Variants in ZSWIM5 observed in about 807,000 individuals in gnomAD.
ZSWIM5 encodes the protein zinc finger SWIM-type containing 5.
A neutral mutation model predicts 119.6 loss-of-function variants in ZSWIM5; 55 were observed. The observed-to-expected ratio is 0.46, with a 90% CI of 0.37 to 0.58. The LOEUF (loss-of-function observed/expected upper bound fraction) is 0.58. ZSWIM5 is among the 20% of genes least tolerant of loss of function. The pLI is 0.00. For synonymous variants in ZSWIM5, 537 were observed against 606.9 expected, an observed-to-expected ratio of 0.88 and a Z score of 1.69; for missense variants, 1,193 against 1,512.8, an observed-to-expected ratio of 0.79 and a Z score of 3.51.
At chr1:45,065,410 C>T (rs1191022050) in intron 2 of ZSWIM5, among the ~76,000 whole-genome samples, 2 of 152,178 alleles carry the variant, frequency 1.3e-5, no homozygotes, top group African/African-American at 4.8e-5. Context: ...GACTGACACC[C>T]TCTCCTCTAA....
At chr1:45,175,286 T>G (rs1180755922) in intron 1 of ZSWIM5, among the ~76,000 whole-genome samples, 1 of 152,142 alleles carries the variant, frequency 6.6e-6, no homozygotes, top group African/African-American at 2.4e-5. Flanking sequence ...CAATTTTGAT[T>G]TCTCCCATCA....
At chr1:45,192,670 C>T (rs1646099599) in intron 1 of ZSWIM5, among the ~76,000 whole-genome samples, 1 of 152,170 alleles carries the variant, frequency 6.6e-6, no homozygotes, top group South Asian at 2.1e-4. Context: ...TTTGGTTATA[C>T]AACCAGAAGC....
intron 1 of ZSWIM5, among the ~76,000 whole-genome samples, chr1:45,108,636 TATATATA>T (rs780226959): frequency 2.0e-5 from 3 of 151,640 alleles, no homozygotes; most frequent in African/African-American, 4.8e-5. Context: ...AAATGTGTTT[TATATATA>T]ATATATATTA....
intron 2 of ZSWIM5, among the ~76,000 whole-genome samples, chr1:45,065,595 T>C (rs757143222): frequency 1.3e-5 from 2 of 152,180 alleles, no homozygotes; most frequent in Non-Finnish European, 2.9e-5. Flanking sequence ...ACAGTACAAC[T>C]TCACCTAAAC....
intron 2 of ZSWIM5, among the ~76,000 whole-genome samples, chr1:45,086,605 G>A (rs951985340): frequency 2.6e-5 from 4 of 152,042 alleles, no homozygotes; most frequent in African/African-American, 9.7e-5. Flanking sequence ...GACACAGGGC[G>A]GGGAACATCA....
chr1:45,191,553 T>C (rs927971719), intron 1 of ZSWIM5, among the ~76,000 whole-genome samples: 3 of 152,200 alleles, frequency 2.0e-5, no homozygotes, highest in African/African-American at 4.8e-5. Context: ...GAGCTCCCCA[T>C]AGGATTGACT....
chr1:45,205,987 C>T lies in ZSWIM5; in HGVS notation c.364G>A (p.Gly122Ser). 4 of 1,456,362 alleles carry T rather than the reference C, an allele frequency of 2.7e-6. No individual in the cohort carries two copies. Among genetic ancestry groups the T allele is most frequent in the Non-Finnish European group, 3.6e-6 (4 of 1,102,066 alleles). 90.2% of individuals were successfully genotyped at this position (1,456,362 alleles called of 1,614,324 possible). Residue 122 changes from glycine (G) to serine (S), a missense_variant, in exon 1 of 14, where the codon GGC becomes AGC. Around this residue, in one of 2 missense-constraint regions of ZSWIM5, gnomAD observed 232 missense variants for 222.9 expected, o/e 1.04. Transcript: ENST00000359600. ...GCGGCGCCGCCAGCAGCGCCGGCGCCGGGGCCGCCCCGGTACTGGAAGCTG... is the reference window on the plus strand; with the variant it reads ...GCGGCGCCGCCAGCAGCGCCGGCGCTGGGGCCGCCCCGGTACTGGAAGCTG... ...YSSFQYRGGP[G>S]AGAAGGAAGA...
intron 1 of ZSWIM5, among the ~76,000 whole-genome samples, chr1:45,138,282 T>A (rs1422847667): frequency 6.6e-6 from 1 of 151,744 alleles, no homozygotes; most frequent in East Asian, 1.9e-4. Flanking sequence ...GGCAGGTGGA[T>A]CACTTGAGGT....
rs747633214 is a variant in ZSWIM5 at position 45,039,002 on chromosome 1, C to T, written c.1828G>A (p.Asp610Asn). 1.1e-5 allele frequency: 18 copies of T among 1,614,012 alleles called. No homozygotes were observed. Among genetic ancestry groups the T allele is most frequent in the South Asian group, 1.1e-4 (10 of 91,082 alleles). ...TCAGTCAAAGTGAGAAACAGGCAGT[C>T]GATGGGATCCAGGGGGTGGCCCACC... is the stretch of plus-strand genomic sequence containing the variant. ...GWVGHPLDPI[D>N]CLFLTLTEAC... is the part of the protein sequence containing the mutation. Residue 610 changes from aspartate (D) to asparagine (N), a missense_variant, in exon 8 of 14, where the codon GAC becomes AAC. Transcript: ENST00000359600.
chr1:45,102,049 A>AC (rs934726222), intron 1 of ZSWIM5, among the ~76,000 whole-genome samples: 1 of 152,018 alleles, frequency 6.6e-6, no homozygotes, highest in African/African-American at 2.4e-5. Flanking sequence ...TAAAAAAAAA[A>AC]AAACTGTGAA....
intron 1 of ZSWIM5, among the ~76,000 whole-genome samples, chr1:45,141,076 T>C (rs1645723863): frequency 6.6e-6 from 1 of 152,234 alleles, no homozygotes; most frequent in East Asian, 1.9e-4. Flanking sequence ...TCCACTTTCT[T>C]TTCTCCATTT....
At chr1:45,134,446 C>G (rs1287242418) in intron 1 of ZSWIM5, among the ~76,000 whole-genome samples, 1 of 152,132 alleles carries the variant, frequency 6.6e-6, no homozygotes, top group Non-Finnish European at 1.5e-5. Flanking sequence ...ATGTTAGACT[C>G]AGGCTTGGAA....
At chr1:45,114,836 T>C (rs1444667421) in intron 1 of ZSWIM5, among the ~76,000 whole-genome samples, 1 of 152,026 alleles carries the variant, frequency 6.6e-6, no homozygotes, top group East Asian at 1.9e-4. Flanking sequence ...GATTAGGGAG[T>C]GGTGATGACT....
At chr1:45,190,187 T>C (rs1198368565) in intron 1 of ZSWIM5, among the ~76,000 whole-genome samples, 1 of 152,020 alleles carries the variant, frequency 6.6e-6, no homozygotes, top group Non-Finnish European at 1.5e-5. Flanking sequence ...TAGCCAGGCA[T>C]AGTGGTGCGT....
chr1:45,131,240 G>A (rs1645654701), intron 1 of ZSWIM5, among the ~76,000 whole-genome samples: 1 of 152,090 alleles, frequency 6.6e-6, no homozygotes, highest in South Asian at 2.1e-4. Flanking sequence ...ATCATTGGGG[G>A]AAATTAGGTA....
intron 2 of ZSWIM5, among the ~76,000 whole-genome samples, chr1:45,085,279 T>G (rs1645320200): frequency 6.6e-6 from 1 of 152,216 alleles, no homozygotes; most frequent in African/African-American, 2.4e-5. Flanking sequence ...GCCTGGCCTA[T>G]GAAACCATTC....
chr1:45,022,439 C>T (rs1303523591), intron 11 of ZSWIM5, among the ~76,000 whole-genome samples: 1 of 152,096 alleles, frequency 6.6e-6, no homozygotes, highest in Non-Finnish European at 1.5e-5. Flanking sequence ...CTCTATGATT[C>T]TATTTTTATA....
intron 4 of ZSWIM5, among the ~76,000 whole-genome samples, chr1:45,053,344 A>G (rs904488640): frequency 5.9e-5 from 9 of 152,314 alleles, no homozygotes; most frequent in African/African-American, 2.2e-4. Context: ...TAGGAATGGC[A>G]AAATCAATAG....
intron 2 of ZSWIM5, among the ~76,000 whole-genome samples, chr1:45,068,913 G>T (rs1018023781): frequency 1.4e-5 from 2 of 145,266 alleles, no homozygotes; most frequent in African/African-American, 2.5e-5. Flanking sequence ...CAATCCTCTG[G>T]CCTTGCCTCG....
Sources: gnomAD v4.1 joint callset for allele counts (sites outside exome capture counted in the v4.1 genomes callset) on GRCh38, gnomAD v4.1.1 for gene constraint, gnomAD v4.1.1 regional missense constraint, MANE v1.5 for transcripts, NCBI Gene and HGNC (gene_info 2026-07-23, HGNC 2026-07-21) for gene names.